Variants in ANKRD62 observed in about 807,000 individuals in gnomAD.
ANKRD62 encodes ankyrin repeat domain 62.
ANKRD62 carries 61 observed loss-of-function variants against 98.8 expected under a neutral mutation model. The ratio of observed to expected loss-of-function variants is 0.62; its 90% confidence interval spans 0.50 to 0.76. The LOEUF (loss-of-function observed/expected upper bound fraction) is 0.76. Ranked by LOEUF, ANKRD62 falls within the 30% of genes least tolerant of loss-of-function variation. The pLI, the probability that ANKRD62 is intolerant of heterozygous loss-of-function variation, is 0.00. For missense variants in ANKRD62, 933 were observed against 1,082.9 expected, an observed-to-expected ratio of 0.86 and a Z score of 1.94; for synonymous variants, 341 against 367.9, an observed-to-expected ratio of 0.93 and a Z score of 0.84.
chr18:12,141,008 C>T, the ANKRD62 span, among the ~76,000 whole-genome samples: 28 of 152,330 alleles, frequency 1.8e-4, no homozygotes, highest in African/African-American at 2.6e-4. Flanking sequence ...CCACCCAGTT[C>T]GAGCTTCCTG....
intron 7 of ANKRD62, among the ~76,000 whole-genome samples, chr18:12,105,497 G>C (rs1909392861): frequency 6.6e-6 from 1 of 152,144 alleles, no homozygotes; most frequent in Non-Finnish European, 1.5e-5. Context: ...AGCTGTCAGT[G>C]GATCTACCTT....
At chr18:12,113,101 G>C (rs1288940666) in intron 8 of ANKRD62, among the ~76,000 whole-genome samples, 1 of 152,046 alleles carries the variant, frequency 6.6e-6, no homozygotes, top group Non-Finnish European at 1.5e-5. Context: ...TGCCGTGTTG[G>C]TCAGGCTGGT....
chr18:12,125,955 A>G lies in ANKRD62; in HGVS notation c.2134A>G (p.Thr712Ala). The change falls in exon 13 of 14, where the codon ACA becomes GCA. Residue 712 changes from threonine (T) to alanine (A), a missense_variant. Physicochemically the swap from Thr to Ala is moderately conservative, Grantham distance 58. This residue lies in a region of ANKRD62 where 362 missense variants were observed against 434.5 expected (regional missense o/e 0.83). Transcript: ENST00000587848. ...TCAGCAACTTTCTAAAGCTGAGAGT[A>G]CATCCAGTGGCCTGGAAACTGAGCT... ...LSQQLSKAES[T>A]SSGLETELHY... The G allele has an allele frequency of 1.3e-6, 2 of 1,537,894 alleles. No homozygotes were observed. The highest frequency in any genetic ancestry group is 1.4e-5 in the African/African-American group (1 of 73,196).
Position 12,103,230 on chromosome 18 carries a change from T to C in ANKRD62, c.891+2T>C. 5.2e-6 allele frequency: 7 copies of C among 1,336,454 alleles called. No homozygotes were observed. The highest frequency in any genetic ancestry group is 6.8e-6 in the Non-Finnish European group (7 of 1,033,858). The allele number at this position is 1,336,454 out of a possible 1,614,324, so 82.8% of individuals were successfully genotyped here. A position where few individuals can be genotyped will look rare whatever the true frequency, so the allele number is the denominator to read the frequency against. On this transcript the variant is annotated splice_donor_variant, in intron 7 of 13. Transcript: ENST00000587848. LOFTEE classifies it high-confidence loss of function. ...GGATGTGAAAGTAGCCAGCCACAGGTATGTAAAAATTTAATTTCAAATTTC... is the reference window on the plus strand; with the variant it reads ...GGATGTGAAAGTAGCCAGCCACAGGCATGTAAAAATTTAATTTCAAATTTC...
In ANKRD62 at chr18:12,102,159, G is replaced by A; in HGVS notation, c.821-999G>A. The stretch of plus-strand genomic sequence containing the variant: ...CAGTAACAACTTGTCCAAGGCCCGA[G>A]TAACTATGAAGAGTGAGGGTTGCAG... On this transcript the variant is annotated intron_variant, in intron 6 of 13. Coordinates refer to ENST00000587848, the MANE Select transcript of ANKRD62 (RefSeq NM_001277333.2). 1.0e-5 allele frequency: 11 copies of A among 1,086,220 alleles called. No homozygotes were observed. In the South Asian group the frequency reaches 1.4e-4, roughly 14 times the overall value. The allele number at this position is 1,086,220 out of a possible 1,614,324, so 67.3% of individuals were successfully genotyped here. A position where few individuals can be genotyped will look rare whatever the true frequency, so the allele number is the denominator to read the frequency against.
chr18:12,114,062 C>G (rs998901406), intron 8 of ANKRD62, among the ~76,000 whole-genome samples: 53 of 152,166 alleles, frequency 3.5e-4, no homozygotes, highest in African/African-American at 1.2e-3. Flanking sequence ...CACATGTTCT[C>G]TCTCACAAAT....
intron 8 of ANKRD62, among the ~76,000 whole-genome samples, chr18:12,109,643 T>C (rs1373254406): frequency 6.6e-6 from 1 of 152,230 alleles, no homozygotes; most frequent in Non-Finnish European, 1.5e-5. Context: ...ATCTGAATAT[T>C]GCCAAGGGAT....
chr18:12,141,277 G>A, the ANKRD62 span, among the ~76,000 whole-genome samples: 1 of 152,222 alleles, frequency 6.6e-6, no homozygotes, highest in Non-Finnish European at 1.5e-5. Flanking sequence ...CTAGGAAAGG[G>A]AATTCCCTGA....
the ANKRD62 span, among the ~76,000 whole-genome samples, chr18:12,154,331 A>G: frequency 4.7e-4 from 72 of 152,370 alleles, 1 homozygote; most frequent in East Asian, 0.012. Context: ...TGCAGCCAAC[A>G]GGCATATAAG....
chr18:12,094,175 A>C lies in ANKRD62; in HGVS notation c.158A>C (p.Lys53Thr), dbSNP rs1168644997. 56 of 1,532,534 alleles carry C rather than the reference A, an allele frequency of 3.7e-5. No individual in the cohort carries two copies. The East Asian group carries it at 1.3e-3, about 36-fold the overall frequency. 94.9% of individuals were successfully genotyped at this position (1,532,534 alleles called of 1,614,324 possible). A position where few individuals can be genotyped will look rare whatever the true frequency, so the allele number is the denominator to read the frequency against. Reference protein sequence around the residue: ...HKAAIAGDVNKVMESILLRLN... With the variant: ...HKAAIAGDVNTVMESILLRLN... ...GCTGCCATCGCAGGTGATGTGAACA[A>C]GGTGATGGAGAGCATCTTGCTCAGG... The change falls in exon 1 of 14, where the codon AAG becomes ACG. Residue 53 changes from lysine (K) to threonine (T), a missense_variant. By Grantham distance (78) the Lys-to-Thr change is moderately conservative. Around this residue, in one of 3 missense-constraint regions of ANKRD62, gnomAD observed 549 missense variants for 587.9 expected, o/e 0.93. Coordinates refer to ENST00000587848, the MANE Select transcript of ANKRD62 (RefSeq NM_001277333.2).
rs1909642658 is a variant in ANKRD62, at chr18:12,115,480, T to G, written c.1186T>G (p.Ser396Ala). The G allele has an allele frequency of 2.6e-6, 4 of 1,537,682 alleles. No individual in the cohort carries two copies. The East Asian group carries it at 9.8e-5, about 38-fold the overall frequency. ...KTSEDDELPY[S>A]DDENFMLLIE... Reference sequence around the variant, plus strand: ...CTCAGAGGATGATGAGTTGCCTTACTCTGATGATGAGAATTTTATGTTACT... The same window carrying G: ...CTCAGAGGATGATGAGTTGCCTTACGCTGATGATGAGAATTTTATGTTACT... The change falls in exon 10 of 14, where the codon TCT becomes GCT. Residue 396 changes from serine (S) to alanine (A), a missense_variant. This residue lies in a region of ANKRD62 where 549 missense variants were observed against 587.9 expected (regional missense o/e 0.93). Coordinates refer to ENST00000587848, the MANE Select transcript of ANKRD62 (RefSeq NM_001277333.2).
chr18:12,125,320 C>CTT, intron 12 of ANKRD62, 140 bp from the exon 13 acceptor site: 1 of 796,592 alleles, frequency 1.3e-6, no homozygotes, highest in Non-Finnish European at 1.7e-6. Context: ...TTTGATTCAA[C>CTT]TTTTTTTTTC....
At chr18:12,132,239 T>C (rs966811800), downstream of ANKRD62, among the ~76,000 whole-genome samples, 6 of 152,170 alleles carry the variant, frequency 3.9e-5, no homozygotes, top group East Asian at 1.9e-4. Flanking sequence ...TTCTAACATA[T>C]AGAATTACGA....
At chr18:12,117,070 A>C (rs1192645541) in intron 10 of ANKRD62, among the ~76,000 whole-genome samples, 1 of 152,216 alleles carries the variant, frequency 6.6e-6, no homozygotes, top group Non-Finnish European at 1.5e-5. Flanking sequence ...ATGGAAATAC[A>C]GTTGATTTTT....
At chr18:12,175,496 G>C in the ANKRD62 span, among the ~76,000 whole-genome samples, 1 of 152,118 alleles carries the variant, frequency 6.6e-6, no homozygotes, top group Middle Eastern at 3.4e-3. Flanking sequence ...CAAGCGATGT[G>C]GGGAGTTGCT....
chr18:12,173,026 A>G, the ANKRD62 span, among the ~76,000 whole-genome samples: 1 of 152,198 alleles, frequency 6.6e-6, no homozygotes, highest in African/African-American at 2.4e-5. Context: ...CTTGGCTAGG[A>G]AAGAGAATTC....
the ANKRD62 span, among the ~76,000 whole-genome samples, chr18:12,155,052 C>T: frequency 6.6e-6 from 1 of 152,094 alleles, no homozygotes; most frequent in Non-Finnish European, 1.5e-5. Context: ...GAAATATGTA[C>T]AAGAAACCCC....
In ANKRD62 at chr18:12,125,585, A is replaced by G; in HGVS notation, c.1764A>G (p.Lys588=). Residue 588 remains lysine (K), a synonymous_variant, in exon 13 of 14, where the codon AAA becomes AAG. Transcript: ENST00000587848. The part of the protein sequence containing the change: ...IKHQNQETEN[K]YFKDIEIIKE... ...ATCAGAACCAGGAAACTGAAAATAA[A>G]TATTTCAAAGATATTGAAATTATAA... 2 of 1,528,398 alleles carry G rather than the reference A, an allele frequency of 1.3e-6. No homozygotes were observed. The highest frequency in any genetic ancestry group is 1.7e-6 in the Non-Finnish European group (2 of 1,144,546). The allele number at this position is 1,528,398 out of a possible 1,614,324, so 94.7% of individuals were successfully genotyped here.
In ANKRD62 at chr18:12,096,240, G is replaced by A; in HGVS notation, c.552G>A (p.Glu184=). The change falls in exon 4 of 14, where the codon GAG becomes GAA. Residue 184 remains glutamate, a synonymous_variant. Coordinates refer to ENST00000587848, the MANE Select transcript of ANKRD62 (RefSeq NM_001277333.2). ...TACTCGCTGTAAATAGGAAAAAAGAGCAAATGGTGGCATTTTTGTTGAAGA... is the reference window on the plus strand; with the variant it reads ...TACTCGCTGTAAATAGGAAAAAAGAACAAATGGTGGCATTTTTGTTGAAGA... ...SLLLAVNRKK[E]QMVAFLLKKK... is the part of the protein sequence containing the mutation. 1 of 1,536,752 alleles carries A rather than the reference G, an allele frequency of 6.5e-7. No homozygotes were observed. Among genetic ancestry groups the A allele is most frequent in the Middle Eastern group, 1.7e-4 (1 of 5,984 alleles).
Sources: allele counts gnomAD v4.1 joint callset (sites outside exome capture counted in the v4.1 genomes callset), GRCh38; gene constraint gnomAD v4.1.1; regional missense constraint gnomAD v4.1.1; transcripts MANE v1.5; gene names NCBI Gene and HGNC (gene_info 2026-07-23, HGNC 2026-07-21).